IL1RAPL1: variants seen among roughly 807,000 people sequenced by gnomAD.
The protein encoded by IL1RAPL1 is interleukin-1 receptor accessory protein-like 1.
In IL1RAPL1, 3 loss-of-function variants were observed where a neutral mutation model predicts 48.4. That is an observed-to-expected ratio of 0.06 (90% CI 0.03 to 0.16). IL1RAPL1 has a LOEUF of 0.16. Ranked by LOEUF, IL1RAPL1 falls within the 10% of genes least tolerant of loss-of-function variation. The pLI is 1.00. For missense variants in IL1RAPL1, 349 were observed against 530.6 expected, an observed-to-expected ratio of 0.66 and a Z score of 3.36; for synonymous variants, 185 against 187.7, an observed-to-expected ratio of 0.99 and a Z score of 0.12.
At chrX:29,894,356 T>A (rs1184413186) in intron 6 of IL1RAPL1, among the ~76,000 whole-genome samples, 1 of 112,547 alleles carries the variant, frequency 8.9e-6, no homozygotes, top group Non-Finnish European at 1.9e-5. Context: ...TTTCATATTT[T>A]TAGCACATAG....
chrX:29,808,068 A>G lies in IL1RAPL1; in HGVS notation c.779-109396A>G. 3.6e-5 allele frequency among the ~76,000 whole-genome samples: 4 copies of G among 112,074 alleles called. No individual in the cohort carries two copies. The Middle Eastern group carries it at 0.014, about 393-fold the overall frequency. On this transcript the variant is annotated intron_variant, in intron 6 of 10. Transcript: ENST00000378993. ...GACAGTTTGGTAATAGCTATAGGGA[A>G]TCTTAGGTTTAATAATTTGTAATCT...
intron 1 of IL1RAPL1, among the ~76,000 whole-genome samples, chrX:28,692,071 A>T (rs1048251672): frequency 3.7e-4 from 41 of 111,038 alleles, no homozygotes; most frequent in African/African-American, 1.3e-3. Context: ...AGAGACAGAC[A>T]GGGGGAAGGA....
At chrX:29,791,931 C>T (rs929380725) in intron 6 of IL1RAPL1, among the ~76,000 whole-genome samples, 2 of 108,572 alleles carry the variant, frequency 1.8e-5, no homozygotes, top group Non-Finnish European at 3.8e-5. Flanking sequence ...GGGGTTTCAC[C>T]ATGTTGGCCA....
intron 5 of IL1RAPL1, among the ~76,000 whole-genome samples, chrX:29,652,950 A>G (rs1177859148): frequency 8.9e-6 from 1 of 112,344 alleles, no homozygotes; most frequent in Non-Finnish European, 1.9e-5. Flanking sequence ...TACTTATCAC[A>G]TTCAAAGAAA....
chrX:29,761,028 G>A (rs2147145380), intron 6 of IL1RAPL1, among the ~76,000 whole-genome samples: 1 of 111,583 alleles, frequency 9.0e-6, no homozygotes, highest in Admixed American at 9.5e-5. Flanking sequence ...CCCTGATGTA[G>A]GTTCTTTTAT....
intron 5 of IL1RAPL1, among the ~76,000 whole-genome samples, chrX:29,557,146 A>G (rs983239775): frequency 8.9e-6 from 1 of 111,888 alleles, no homozygotes; most frequent in African/African-American, 3.2e-5. Flanking sequence ...ACAGCTGATG[A>G]CAATTAAGTT....
rs192837526 is a variant in IL1RAPL1 at position 29,596,839 on chromosome X, C to T, written c.704-71591C>T. On this transcript the variant is annotated intron_variant, in intron 5 of 10. Transcript: ENST00000378993. Reference sequence around the variant, plus strand: ...TTGTGCAGAATGCTTTCAACTTTTCCCTGCTCAGTATTATGTTGGCTGTAG... The same window carrying T: ...TTGTGCAGAATGCTTTCAACTTTTCTCTGCTCAGTATTATGTTGGCTGTAG... Among the ~76,000 whole-genome samples, 132 of 111,581 alleles carry T rather than the reference C, an allele frequency of 1.2e-3. 1 individual carries two copies. Among genetic ancestry groups the T allele is most frequent in the Middle Eastern group, 9.3e-3 (2 of 216 alleles).
intron 2 of IL1RAPL1, among the ~76,000 whole-genome samples, chrX:28,880,040 A>C (rs1263090561): frequency 2.7e-5 from 3 of 112,081 alleles, no homozygotes; most frequent in African/African-American, 9.7e-5. Flanking sequence ...CCTGCTGAGA[A>C]GTTCTCTCTG....
intron 6 of IL1RAPL1, among the ~76,000 whole-genome samples, chrX:29,730,357 C>T (rs570665328): frequency 1.8e-5 from 2 of 112,240 alleles, no homozygotes; most frequent in South Asian, 7.4e-4. Context: ...ACAAGTAACC[C>T]TTCTTGCTGT....
At chrX:29,883,325 T>G (rs1932067651) in intron 6 of IL1RAPL1, among the ~76,000 whole-genome samples, 1 of 110,975 alleles carries the variant, frequency 9.0e-6, no homozygotes, top group Non-Finnish European at 1.9e-5. Flanking sequence ...GCTATGGAGC[T>G]GTCAGCATTT....
At chrX:29,330,780 G>A (rs1474182190) in intron 3 of IL1RAPL1, among the ~76,000 whole-genome samples, 1 of 111,587 alleles carries the variant, frequency 9.0e-6, no homozygotes, top group African/African-American at 3.3e-5. Context: ...ACCCAGTGTT[G>A]ACTCTATTTT....
intron 2 of IL1RAPL1, among the ~76,000 whole-genome samples, chrX:29,057,416 C>CTTTTT (rs11349494): frequency 9.7e-6 from 1 of 102,632 alleles, no homozygotes; most frequent in South Asian, 4.4e-4. Context: ...GTTTGGCCTA[C>CTTTTT]TTTTTTTTTT....
At chrX:28,718,675 C>T (rs1207609475) in intron 1 of IL1RAPL1, among the ~76,000 whole-genome samples, 1 of 111,510 alleles carries the variant, frequency 9.0e-6, no homozygotes. Flanking sequence ...TGGTAAATCA[C>T]GTGATTTATT....
At chrX:29,863,672 G>T (rs1176892662) in intron 6 of IL1RAPL1, among the ~76,000 whole-genome samples, 1 of 112,317 alleles carries the variant, frequency 8.9e-6, no homozygotes, top group Non-Finnish European at 1.9e-5. Context: ...TATAGAGTAA[G>T]TTCCCTAAAT....
chrX:29,526,228 C>G (rs1569331042), intron 5 of IL1RAPL1, among the ~76,000 whole-genome samples: 1 of 111,737 alleles, frequency 8.9e-6, no homozygotes, highest in Non-Finnish European at 1.9e-5. Flanking sequence ...AAATATACTG[C>G]ATCTAGAAAT....
At chrX:28,636,635 G>A (rs754675450) in intron 1 of IL1RAPL1, among the ~76,000 whole-genome samples, 1 of 111,709 alleles carries the variant, frequency 9.0e-6, no homozygotes, top group East Asian at 2.8e-4. Flanking sequence ...TTAGTGTGTG[G>A]CTTTCAGCTT....
chrX:28,827,928 A>C (rs948440615), intron 2 of IL1RAPL1, among the ~76,000 whole-genome samples: 11 of 111,830 alleles, frequency 9.8e-5, no homozygotes, highest in African/African-American at 3.6e-4. Context: ...AGTACAGTTT[A>C]TCTCTCCTTA....
chrX:28,743,748 T>TTATG, intron 1 of IL1RAPL1, among the ~76,000 whole-genome samples: 1 of 111,366 alleles, frequency 9.0e-6, no homozygotes, highest in African/African-American at 3.2e-5. Flanking sequence ...ATTTATTTAT[T>TTATG]TATTTATTTA....
chrX:29,835,875 TTC>T (rs1336297470), intron 6 of IL1RAPL1, among the ~76,000 whole-genome samples: 4 of 100,299 alleles, frequency 4.0e-5, no homozygotes, highest in African/African-American at 1.3e-4. Flanking sequence ...TATTTGAGTC[TTC>T]TTTTTTTTTT....
Sources: gnomAD v4.1 joint callset for allele counts (sites outside exome capture counted in the v4.1 genomes callset) on GRCh38, gnomAD v4.1.1 for gene constraint, MANE v1.5 for transcripts, NCBI Gene and HGNC (gene_info 2026-07-23, HGNC 2026-07-21) for gene names.